The following GREB1L variants were observed in gnomAD, a reference collection of about 807,000 sequenced individuals.
GREB1L encodes GREB1-like protein.
A neutral mutation model predicts 200.8 loss-of-function variants in GREB1L; 17 were observed. The ratio of observed to expected loss-of-function variants is 0.08; its 90% CI spans 0.06 to 0.13. The LOEUF (loss-of-function observed/expected upper bound fraction) is 0.13, where lower values mean the gene tolerates loss of function less well. GREB1L is among the 10% of genes least tolerant of loss of function. GREB1L has a pLI of 1.00. For missense variants in GREB1L, 1,657 were observed against 2,367.7 expected (o/e 0.70, Z 6.23); for synonymous variants, 789 against 893.0 (o/e 0.88, Z 2.08).
chr18:21,369,910 C>T (rs1414740968), intron 2 of GREB1L, among the ~76,000 whole-genome samples: 1 of 149,596 alleles, frequency 6.7e-6, no homozygotes, highest in Non-Finnish European at 1.5e-5. Context: ...AATCGCACCA[C>T]CACACTCCAG....
rs1400814426 is a variant in GREB1L, at chr18:21,418,422, TA to T, written c.832+14431del. 2.0e-5 allele frequency among the ~76,000 whole-genome samples: 3 copies of T among 152,236 alleles called. No individual in the cohort carries two copies. In the East Asian group the frequency reaches 5.8e-4, roughly 29 times the overall value. ...ATTACTTATAATACTGAATACAATG[TA>T]AATGTTATATAAATAATTGTTATAC... is the stretch of plus-strand genomic sequence containing the variant. On this transcript the variant is annotated intron_variant, in intron 7 of 32. Transcript: ENST00000424526.
chr18:21,517,979 C>T, intron 30 of GREB1L, 55 bp from the exon 31 acceptor site: 3 of 1,354,426 alleles, frequency 2.2e-6, no homozygotes, highest in Admixed American at 2.0e-5. Context: ...GTTTCCTCAC[C>T]TGTTTAATCC....
In GREB1L at chr18:21,441,385, C is replaced by CT. The variant is rs201526256; in HGVS notation, c.1070-5dup. 5,052 of 1,331,706 alleles carry CT rather than the reference C, an allele frequency of 3.8e-3. No individual in the cohort carries two copies. Among genetic ancestry groups the CT allele is most frequent in the South Asian group, 8.3e-3 (550 of 66,126 alleles). The allele number at this position is 1,331,706 out of a possible 1,614,324, so 82.5% of individuals were successfully genotyped here. ...TTTTCACGCCATCTTTCTTGTCAAA[C>CT]TTTTTTTTTTCCAGAGCCCCTTTTA... On this transcript the variant is annotated splice_polypyrimidine_tract_variant and intron_variant, in intron 9 of 32. Coordinates refer to ENST00000424526, the MANE Select transcript of GREB1L (RefSeq NM_001142966.3).
intron 1 of GREB1L, among the ~76,000 whole-genome samples, chr18:21,268,057 T>A (rs940053412): frequency 1.8e-4 from 28 of 152,134 alleles, no homozygotes; most frequent in African/African-American, 6.0e-4. Context: ...TGATTTCAGT[T>A]GGTTCTCATG....
intron 5 of GREB1L, among the ~76,000 whole-genome samples, chr18:21,397,541 AAAT>A (rs1555637995): frequency 1.3e-4 from 16 of 126,126 alleles, no homozygotes; most frequent in Non-Finnish European, 2.2e-4. Flanking sequence ...AAAAAAAAAA[AAAT>A]AATAATAATA....
intron 7 of GREB1L, among the ~76,000 whole-genome samples, chr18:21,419,528 C>T (rs1444758699): frequency 2.0e-5 from 3 of 152,220 alleles, no homozygotes; most frequent in African/African-American, 7.2e-5. Context: ...TCTTGGCTCA[C>T]TGCAACCTCC....
intron 7 of GREB1L, among the ~76,000 whole-genome samples, chr18:21,426,958 CAA>C (rs568993346): frequency 0.55 from 37,652 of 68,346 alleles, 7,609 homozygotes; most frequent in African/African-American, 0.66. Context: ...GACTACGTCT[CAA>C]AAAAAAAAAA....
intron 7 of GREB1L, among the ~76,000 whole-genome samples, chr18:21,437,602 A>G (rs536119545): frequency 5.9e-5 from 9 of 152,260 alleles, no homozygotes; most frequent in South Asian, 2.1e-4. Context: ...TCAAACCTCT[A>G]TATCTAATAA....
intron 14 of GREB1L, among the ~76,000 whole-genome samples, chr18:21,453,318 A>G (rs1313655469): frequency 1.3e-5 from 2 of 152,238 alleles, no homozygotes; most frequent in Admixed American, 6.5e-5. Context: ...TAGGGAGACC[A>G]TCCATCTAAA....
chr18:21,308,354 T>G (rs535130450), intron 1 of GREB1L, among the ~76,000 whole-genome samples: 1 of 152,374 alleles, frequency 6.6e-6, no homozygotes, highest in East Asian at 1.9e-4. Flanking sequence ...TTATAAATTT[T>G]TATTTTAACT....
At chr18:21,510,602 T>G (rs1045530107) in intron 27 of GREB1L, among the ~76,000 whole-genome samples, 3 of 152,242 alleles carry the variant, frequency 2.0e-5, no homozygotes, top group Non-Finnish European at 4.4e-5. Context: ...CAGTGGACAC[T>G]TGGGCTGCTC....
chr18:21,351,767 A>G (rs563389135), intron 1 of GREB1L, among the ~76,000 whole-genome samples: 35 of 152,344 alleles, frequency 2.3e-4, no homozygotes, highest in Non-Finnish European at 4.3e-4. Context: ...GCAGGTTATC[A>G]GTTTCAGACT....
Position 21,410,657 on chromosome 18 carries a change from T to C in GREB1L, c.832+6663T>C, listed in dbSNP as rs762302199. Among the ~76,000 whole-genome samples the C allele has an allele frequency of 1.9e-4, 28 of 146,884 alleles. 1 individual carries two copies. The highest frequency in any genetic ancestry group is 4.2e-4 in the Non-Finnish European group (28 of 67,004). Reference sequence around the variant, plus strand: ...GAGACAGAAAAAAAAAAAGACAAAGTGTTGATCATAAAGGAAAAGACTGAT... The same window carrying C: ...GAGACAGAAAAAAAAAAAGACAAAGCGTTGATCATAAAGGAAAAGACTGAT... On this transcript the variant is annotated intron_variant, in intron 7 of 32. Transcript: ENST00000424526.
intron 1 of GREB1L, among the ~76,000 whole-genome samples, chr18:21,268,546 CACACACACACACACATATAT>C (rs1405309130): frequency 4.1e-5 from 4 of 97,942 alleles, no homozygotes; most frequent in African/African-American, 2.1e-4. Context: ...CACACACACA[CACACACACACACACATATAT>C]ATATATATAT....
Position 21,495,700 on chromosome 18 carries a change from A to C in GREB1L, c.3061A>C (p.Ile1021Leu). Reference protein sequence around the residue: ...SWRGNEPEEWIPRTYQDLDGL... With the variant: ...SWRGNEPEEWLPRTYQDLDGL... ...GAGAGGAAATGAACCAGAAGAGTGG[A>C]TCCCTCGGACATACCAAGATTTAGA... The change falls in exon 20 of 33, where the codon ATC (isoleucine) becomes CTC (leucine). Residue 1021 changes from isoleucine (I) to leucine (L), a missense_variant. Physicochemically the swap from Ile to Leu is conservative, Grantham distance 5 (BLOSUM62 2). Transcript: ENST00000424526. The C allele has an allele frequency of 6.5e-7, 1 of 1,540,682 alleles. No homozygotes were observed. The highest frequency in any genetic ancestry group is 8.8e-7 in the Non-Finnish European group (1 of 1,138,146).
chr18:21,446,274 C>T (rs945445607), intron 11 of GREB1L, among the ~76,000 whole-genome samples: 2 of 152,220 alleles, frequency 1.3e-5, no homozygotes, highest in African/African-American at 2.4e-5. Flanking sequence ...ATCCACCTGC[C>T]TTGGGCTCCC....
intron 1 of GREB1L, among the ~76,000 whole-genome samples, chr18:21,344,688 G>T (rs1035932442): frequency 7.2e-5 from 11 of 152,234 alleles, no homozygotes; most frequent in African/African-American, 2.7e-4. Flanking sequence ...CTAAAGGAAA[G>T]ATGGATTTTA....
intron 1 of GREB1L, among the ~76,000 whole-genome samples, chr18:21,304,508 G>A (rs2038668577): frequency 6.6e-6 from 1 of 151,342 alleles, no homozygotes; most frequent in African/African-American, 2.4e-5. Flanking sequence ...TTTTTCATTT[G>A]GATTATTTAA....
chr18:21,375,221 C>T (rs1251710927), intron 2 of GREB1L, among the ~76,000 whole-genome samples: 3 of 151,760 alleles, frequency 2.0e-5, no homozygotes, highest in Non-Finnish European at 4.4e-5. Context: ...CGCACCACCA[C>T]GCCCGGCTAA....
Sources: gnomAD v4.1 joint callset for allele counts (sites outside exome capture counted in the v4.1 genomes callset) on GRCh38, gnomAD v4.1.1 for gene constraint, MANE v1.5 for transcripts, NCBI Gene and HGNC (gene_info 2026-07-23, HGNC 2026-07-21) for gene names.